Variants in DPP10 observed in about 807,000 individuals in gnomAD.
DPP10 encodes inactive dipeptidyl peptidase 10.
A neutral mutation model predicts 120.9 loss-of-function variants in DPP10; 33 were observed. The ratio of observed to expected loss-of-function variants is 0.27; its 90% CI spans 0.21 to 0.37. The LOEUF is 0.37. Among genes scored for constraint, DPP10 ranks in the 10% least tolerant of loss-of-function variants. DPP10 has a pLI of 1.00. For synonymous variants in DPP10, 337 were observed against 326.1 expected, an observed-to-expected ratio of 1.03 and a Z score of -0.36; for missense variants, 816 against 942.8, an observed-to-expected ratio of 0.87 and a Z score of 1.76.
intron 5 of DPP10, among the ~76,000 whole-genome samples, chr2:115,590,929 T>C (rs1262117139): frequency 1.3e-5 from 2 of 152,118 alleles, no homozygotes; most frequent in Non-Finnish European, 2.9e-5. Context: ...TGATGATGAG[T>C]ATTGTTTCAT....
intron 1 of DPP10, among the ~76,000 whole-genome samples, chr2:114,472,092 G>T (rs1679969038): frequency 6.6e-6 from 1 of 152,148 alleles, no homozygotes; most frequent in Non-Finnish European, 1.5e-5. Flanking sequence ...TAAATGCTGG[G>T]GTGTACCCAA....
chr2:115,836,585 CAAAG>C lies in DPP10; in HGVS notation c.2109+26_2109+29del, dbSNP rs774001415. 62 of 1,611,988 alleles carry C rather than the reference CAAAG, an allele frequency of 3.8e-5. No individual in the cohort carries two copies. The highest frequency in any genetic ancestry group is 1.2e-4 in the Admixed American group (7 of 59,646). On this transcript the variant is annotated intron_variant, in intron 23 of 25. Coordinates refer to ENST00000410059, the MANE Select transcript of DPP10 (RefSeq NM_020868.6). The stretch of plus-strand genomic sequence containing the variant: ...TACCAGGTAACTAATTTGAAAATAA[CAAAG>C]AAAGAGGAGTATTTTTGTTCTAAAA...
At chr2:115,537,096 T>C (rs891479521) in intron 5 of DPP10, among the ~76,000 whole-genome samples, 2 of 152,074 alleles carry the variant, frequency 1.3e-5, no homozygotes, top group Non-Finnish European at 2.9e-5. Flanking sequence ...TATCATGTTC[T>C]CATTTTAAAC....
intron 1 of DPP10, among the ~76,000 whole-genome samples, chr2:114,921,241 A>G (rs1427159025): frequency 6.6e-6 from 1 of 152,148 alleles, no homozygotes; most frequent in East Asian, 1.9e-4. Flanking sequence ...TTGGTGGGGG[A>G]CAAAGCTTGC....
chr2:115,335,146 C>G (rs1003358701), intron 2 of DPP10, among the ~76,000 whole-genome samples: 1 of 151,768 alleles, frequency 6.6e-6, no homozygotes, highest in African/African-American at 2.4e-5. Flanking sequence ...TTTTTAAAAC[C>G]GTGAGATCTC....
intron 1 of DPP10, among the ~76,000 whole-genome samples, chr2:115,290,914 ATCCCT>A (rs1390892045): frequency 6.6e-5 from 10 of 152,138 alleles, no homozygotes; most frequent in Non-Finnish European, 1.3e-4. Context: ...AGGCAAGGTA[ATCCCT>A]GCTAATCTAC....
chr2:115,815,200 A>T (rs1436425119), intron 20 of DPP10, among the ~76,000 whole-genome samples: 1 of 152,136 alleles, frequency 6.6e-6, no homozygotes, highest in African/African-American at 2.4e-5. Context: ...TCTGGAATTA[A>T]AATTTACTTT....
intron 5 of DPP10, among the ~76,000 whole-genome samples, chr2:115,595,103 T>C (rs964122362): frequency 1.3e-5 from 2 of 152,138 alleles, no homozygotes; most frequent in Non-Finnish European, 2.9e-5. Flanking sequence ...GTTTGTCAAA[T>C]ATGTAAGATT....
chr2:115,117,609 A>G (rs749715190), intron 1 of DPP10, among the ~76,000 whole-genome samples: 8 of 152,212 alleles, frequency 5.3e-5, no homozygotes, highest in Non-Finnish European at 1.0e-4. Context: ...GCCTGTCTCT[A>G]AAAAGAAAAA....
At chr2:115,346,951 C>T (rs1049523538) in intron 3 of DPP10, among the ~76,000 whole-genome samples, 2 of 152,116 alleles carry the variant, frequency 1.3e-5, no homozygotes, top group African/African-American at 4.8e-5. Context: ...ATTTATCAAG[C>T]ACCTCACTGA....
intron 3 of DPP10, chr2:115,468,618 C>G: frequency 2.6e-6 from 1 of 383,620 alleles, no homozygotes; most frequent in Non-Finnish European, 5.1e-6. Context: ...CACCATCTCC[C>G]ATGAACATCC....
intron 1 of DPP10, among the ~76,000 whole-genome samples, chr2:114,826,684 C>T (rs1574279380): frequency 6.6e-6 from 1 of 152,090 alleles, no homozygotes; most frequent in Non-Finnish European, 1.5e-5. Context: ...GAGCATAACC[C>T]CATGCCTGGC....
chr2:115,003,177 A>AT (rs1396865566), intron 1 of DPP10, among the ~76,000 whole-genome samples: 5 of 1,010 alleles, frequency 5.0e-3, no homozygotes, highest in South Asian at 0.031. Flanking sequence ...ATGTAGCTAT[A>AT]AAAAAAAAAA....
At chr2:115,250,927 A>G (rs909706500) in intron 1 of DPP10, among the ~76,000 whole-genome samples, 1 of 152,220 alleles carries the variant, frequency 6.6e-6, no homozygotes, top group Non-Finnish European at 1.5e-5. Flanking sequence ...CCACTGGAAA[A>G]TGTTCAGAAG....
intron 1 of DPP10, among the ~76,000 whole-genome samples, chr2:114,563,148 C>T (rs571351431): frequency 1.2e-4 from 18 of 152,214 alleles, no homozygotes; most frequent in South Asian, 2.1e-4. Flanking sequence ...CCAAGGCGGG[C>T]GGATCATAAG....
chr2:115,640,785 G>A (rs1020545121), intron 5 of DPP10, among the ~76,000 whole-genome samples: 1 of 152,072 alleles, frequency 6.6e-6, no homozygotes, highest in Non-Finnish European at 1.5e-5. Context: ...GGATGGTTCC[G>A]GTTGCCTTGG....
At chr2:115,315,107 G>A (rs2061728898) in intron 2 of DPP10, among the ~76,000 whole-genome samples, 1 of 151,800 alleles carries the variant, frequency 6.6e-6, no homozygotes, top group Non-Finnish European at 1.5e-5. Flanking sequence ...CGACTGACTT[G>A]GATTCATCTC....
intron 1 of DPP10, among the ~76,000 whole-genome samples, chr2:114,583,019 C>G (rs1690664533): frequency 6.6e-6 from 1 of 152,168 alleles, no homozygotes; most frequent in African/African-American, 2.4e-5. Context: ...GCATTTCTAA[C>G]AAGTTCCCAG....
intron 2 of DPP10, among the ~76,000 whole-genome samples, chr2:115,312,584 CG>C (rs1412199165): frequency 6.6e-6 from 1 of 152,012 alleles, no homozygotes; most frequent in Non-Finnish European, 1.5e-5. Context: ...CTTGATTTTG[CG>C]TGTGTCTGGC....
Sources: allele counts gnomAD v4.1 joint callset (sites outside exome capture counted in the v4.1 genomes callset), GRCh38; gene constraint gnomAD v4.1.1; transcripts MANE v1.5; gene names NCBI Gene and HGNC (gene_info 2026-07-23, HGNC 2026-07-21).